LRRC4C: variants seen among roughly 807,000 people sequenced by gnomAD.
LRRC4C encodes the protein leucine-rich repeat-containing protein 4C.
Under a neutral mutation model 33.6 loss-of-function variants are expected in LRRC4C, and 5 were observed. That is an observed-to-expected ratio of 0.15 (90% confidence interval 0.08 to 0.31). LRRC4C has a LOEUF of 0.31. Ranked by LOEUF, LRRC4C falls within the 10% of genes least tolerant of loss-of-function variation. The pLI, the probability that LRRC4C is intolerant of heterozygous loss-of-function variation, is 1.00. For missense variants in LRRC4C, 560 were observed against 796.7 expected (o/e 0.70, Z 3.58); for synonymous variants, 329 against 302.0 (o/e 1.09, Z -0.93).
intron 2 of LRRC4C, among the ~76,000 whole-genome samples, chr11:40,730,083 T>C (rs1416428002): frequency 1.3e-5 from 2 of 150,418 alleles, no homozygotes; most frequent in African/African-American, 2.4e-5. Flanking sequence ...GGAAGGGGAA[T>C]ATCACACTCT....
intron 1 of LRRC4C, among the ~76,000 whole-genome samples, chr11:41,245,519 G>T (rs1000242438): frequency 6.6e-6 from 1 of 152,184 alleles, no homozygotes; most frequent in Non-Finnish European, 1.5e-5. Context: ...TCCACGGCTG[G>T]CACTGGGGAA....
chr11:41,149,905 T>A (rs1337800996), intron 1 of LRRC4C, among the ~76,000 whole-genome samples: 1 of 152,188 alleles, frequency 6.6e-6, no homozygotes, highest in Non-Finnish European at 1.5e-5. Flanking sequence ...TGTCATCTTT[T>A]CAACTAAGAA....
chr11:40,211,295 A>G (rs2135826484), intron 5 of LRRC4C, among the ~76,000 whole-genome samples: 1 of 152,334 alleles, frequency 6.6e-6, no homozygotes, highest in South Asian at 2.1e-4. Flanking sequence ...ATAAACAGTA[A>G]GTTTTTATTA....
At chr11:41,281,104 T>TCACACACA (rs1188271498) in intron 1 of LRRC4C, among the ~76,000 whole-genome samples, 2 of 102,590 alleles carry the variant, frequency 1.9e-5, no homozygotes, top group African/African-American at 7.3e-5. Context: ...TCTCTCTCTC[T>TCACACACA]CACACACACA....
intron 1 of LRRC4C, among the ~76,000 whole-genome samples, chr11:41,439,795 T>TATTC (rs1955554770): frequency 6.6e-6 from 1 of 152,210 alleles, no homozygotes; most frequent in Non-Finnish European, 1.5e-5. Flanking sequence ...GCAGAAAGCA[T>TATTC]CTCTGAAAGG....
intron 2 of LRRC4C, among the ~76,000 whole-genome samples, chr11:40,697,669 A>G (rs1945641621): frequency 6.6e-6 from 1 of 152,192 alleles, no homozygotes; most frequent in Non-Finnish European, 1.5e-5. Flanking sequence ...GTATTGGTTA[A>G]GAACACAGTT....
intron 1 of LRRC4C, among the ~76,000 whole-genome samples, chr11:41,315,128 A>G (rs1950749179): frequency 6.6e-6 from 1 of 152,198 alleles, no homozygotes; most frequent in Non-Finnish European, 1.5e-5. Flanking sequence ...TCCTGGATTT[A>G]CTAGTTCAGT....
intron 5 of LRRC4C, among the ~76,000 whole-genome samples, chr11:40,237,053 T>G (rs1865613950): frequency 6.6e-6 from 1 of 152,192 alleles, no homozygotes; most frequent in Non-Finnish European, 1.5e-5. Flanking sequence ...TTCTGCATAT[T>G]AAGCATGAGC....
chr11:41,360,847 T>G lies in LRRC4C; in HGVS notation c.-496+98584A>C, dbSNP rs187399736. Among the ~76,000 whole-genome samples, 13 of 152,318 alleles carry G rather than the reference T, an allele frequency of 8.5e-5. No individual in the cohort carries two copies. The East Asian group carries it at 2.5e-3, about 29-fold the overall frequency. ...CTTTTGTTTTTTGATTTATTAGTTT[T>G]CTACTCCACTTGTTCAAATTTTATT... On this transcript the variant is annotated intron_variant, in intron 1 of 6. Transcript: ENST00000528697.
chr11:41,048,791 G>A (rs758613745), intron 1 of LRRC4C, among the ~76,000 whole-genome samples: 5 of 151,990 alleles, frequency 3.3e-5, no homozygotes, highest in Admixed American at 6.6e-5. Flanking sequence ...TCTATGTGTT[G>A]GACACTATAA....
chr11:41,142,449 A>C (rs1269010321), intron 1 of LRRC4C, among the ~76,000 whole-genome samples: 1 of 152,180 alleles, frequency 6.6e-6, no homozygotes, highest in African/African-American at 2.4e-5. Context: ...CAAGTACCCA[A>C]GTGATGCTTA....
intron 1 of LRRC4C, among the ~76,000 whole-genome samples, chr11:41,142,677 T>C (rs1943559934): frequency 6.6e-6 from 1 of 151,962 alleles, no homozygotes; most frequent in African/African-American, 2.4e-5. Context: ...CATGTTAAAC[T>C]CTAGATTACC....
At chr11:40,273,948 T>G (rs749488434) in intron 4 of LRRC4C, among the ~76,000 whole-genome samples, 1 of 152,078 alleles carries the variant, frequency 6.6e-6, no homozygotes. Flanking sequence ...TTTAGTCTAT[T>G]TTCCCCACGA....
chr11:40,578,061 C>G (rs1958279481), intron 3 of LRRC4C, among the ~76,000 whole-genome samples: 1 of 149,544 alleles, frequency 6.7e-6, no homozygotes, highest in South Asian at 2.1e-4. Flanking sequence ...GTCTCAATCT[C>G]CTGACCTTGT....
chr11:41,240,620 G>A (rs1290906083), intron 1 of LRRC4C, among the ~76,000 whole-genome samples: 3 of 152,112 alleles, frequency 2.0e-5, no homozygotes, highest in Non-Finnish European at 4.4e-5. Context: ...TTTTCCCTAA[G>A]CCACCGTTTT....
At chr11:40,717,450 T>C (rs548956030) in intron 2 of LRRC4C, among the ~76,000 whole-genome samples, 1 of 152,290 alleles carries the variant, frequency 6.6e-6, no homozygotes, top group African/African-American at 2.4e-5. Flanking sequence ...ATAAGCTTGA[T>C]GAAGAGGTTT....
At chr11:41,142,918 C>G (rs1212615878) in intron 1 of LRRC4C, among the ~76,000 whole-genome samples, 3 of 152,106 alleles carry the variant, frequency 2.0e-5, no homozygotes, top group African/African-American at 7.2e-5. Context: ...TCGTGTCATT[C>G]TTTTCAGAGA....
At chr11:40,893,645 G>A (rs1565176626) in intron 2 of LRRC4C, among the ~76,000 whole-genome samples, 1 of 152,022 alleles carries the variant, frequency 6.6e-6, no homozygotes, top group African/African-American at 2.4e-5. Flanking sequence ...CTTATTAAGG[G>A]CATATAATTG....
intron 3 of LRRC4C, among the ~76,000 whole-genome samples, chr11:40,498,005 T>C (rs1221914026): frequency 6.6e-6 from 1 of 152,222 alleles, no homozygotes; most frequent in Admixed American, 6.5e-5. Flanking sequence ...TTAACACTTA[T>C]GTAAATCTTA....
Sources: gnomAD v4.1 joint callset for allele counts (sites outside exome capture counted in the v4.1 genomes callset) on GRCh38, gnomAD v4.1.1 for gene constraint, MANE v1.5 for transcripts, NCBI Gene and HGNC (gene_info 2026-07-23, HGNC 2026-07-21) for gene names.